The following PLCL1 variants were observed in gnomAD, a reference collection of about 807,000 sequenced individuals.
The protein encoded by PLCL1 is inactive phospholipase C-like protein 1.
A neutral mutation model predicts 84.4 loss-of-function variants in PLCL1; 41 were observed. That is an observed-to-expected ratio of 0.49 (90% CI 0.38 to 0.63). The LOEUF (loss-of-function observed/expected upper bound fraction) is 0.63. Ranked by LOEUF, PLCL1 falls within the 30% of genes least tolerant of loss-of-function variation. The probability of loss-of-function intolerance (pLI) is 0.00; values close to 1 mark genes in which losing one functional copy is unlikely to be tolerated. For missense variants in PLCL1, 1,206 were observed against 1,367.8 expected (o/e 0.88, Z 1.87); for synonymous variants, 490 against 488.3 (o/e 1.00, Z -0.05).
At chr2:197,853,269 T>C (rs1687272366) in intron 1 of PLCL1, among the ~76,000 whole-genome samples, 1 of 152,240 alleles carries the variant, frequency 6.6e-6, no homozygotes, top group Non-Finnish European at 1.5e-5. Flanking sequence ...ATTCGTCTAA[T>C]GATGGACCCT....
chr2:197,918,971 T>TCTCTCACA (rs373512508), intron 1 of PLCL1, among the ~76,000 whole-genome samples: 44 of 144,552 alleles, frequency 3.0e-4, no homozygotes, highest in Admixed American at 2.1e-3. Context: ...TCTCTCTCCC[T>TCTCTCACA]CACACACACA....
chr2:197,866,465 T>A (rs1440855218), intron 1 of PLCL1, among the ~76,000 whole-genome samples: 1 of 152,042 alleles, frequency 6.6e-6, no homozygotes, highest in East Asian at 1.9e-4. Context: ...ATGGGGCAGA[T>A]GCTACCAGAG....
intron 5 of PLCL1, among the ~76,000 whole-genome samples, chr2:198,143,742 A>G (rs1029499232): frequency 3.9e-5 from 6 of 152,336 alleles, no homozygotes; most frequent in Admixed American, 3.3e-4. Context: ...GAAGAGATGC[A>G]GGTTGTGATT....
chr2:198,139,202 A>G (rs1280887438), intron 5 of PLCL1, among the ~76,000 whole-genome samples: 4 of 151,986 alleles, frequency 2.6e-5, no homozygotes. Flanking sequence ...GTGTATGGAC[A>G]TTATTTACTT....
In PLCL1 at chr2:197,889,460, C is replaced by T. The variant is rs1242931408; in HGVS notation, c.240+84121C>T. 2.0e-5 allele frequency among the ~76,000 whole-genome samples: 3 copies of T among 152,248 alleles called. No homozygotes were observed. The East Asian group carries it at 5.8e-4, about 29-fold the overall frequency. ...CAAAAAAAAACAGGCTTTAAAAGCT[C>T]TTCCTATACTTCTGCTTACACTGAG... On this transcript the variant is annotated intron_variant, in intron 1 of 5. Coordinates refer to ENST00000428675, the MANE Select transcript of PLCL1 (RefSeq NM_006226.4).
rs147840883 is a variant in PLCL1, at chr2:197,959,997, A to G, written c.241-123761A>G. Among the ~76,000 whole-genome samples, 489 of 152,214 alleles carry G rather than the reference A, an allele frequency of 3.2e-3. 2 individuals carry two copies. The highest frequency in any genetic ancestry group is 0.017 in the Middle Eastern group (5 of 294). On this transcript the variant is annotated intron_variant, in intron 1 of 5. Transcript: ENST00000428675. ...CCTCTCAATTATAAATGACAAAGAG[A>G]GAACTAGGATTTCTGTAACACAGTG...
intron 1 of PLCL1, among the ~76,000 whole-genome samples, chr2:198,034,795 G>A (rs1247371252): frequency 1.3e-5 from 2 of 152,164 alleles, no homozygotes; most frequent in Non-Finnish European, 2.9e-5. Context: ...CACATGTTGT[G>A]TTGTGCTGTC....
chr2:198,104,510 T>C (rs1226615829), intron 5 of PLCL1, among the ~76,000 whole-genome samples: 1 of 152,034 alleles, frequency 6.6e-6, no homozygotes, highest in Non-Finnish European at 1.5e-5. Context: ...GACATGTCCA[T>C]GTGTCTTTAT....
chr2:198,067,853 G>C (rs1336000526), intron 1 of PLCL1, among the ~76,000 whole-genome samples: 2 of 152,056 alleles, frequency 1.3e-5, no homozygotes, highest in African/African-American at 4.8e-5. Context: ...TCCTTATTTT[G>C]ATTTTCATTT....
At chr2:197,949,418 G>T (rs1230842517) in intron 1 of PLCL1, among the ~76,000 whole-genome samples, 2 of 152,154 alleles carry the variant, frequency 1.3e-5, no homozygotes, top group African/African-American at 2.4e-5. Context: ...AGGGACAAGT[G>T]ATTCCACTTC....
intron 1 of PLCL1, among the ~76,000 whole-genome samples, chr2:198,036,257 A>G (rs1231613045): frequency 2.6e-5 from 4 of 152,146 alleles, no homozygotes; most frequent in Admixed American, 1.3e-4. Flanking sequence ...CCATTGTACC[A>G]TGTGTGTGAA....
At chr2:197,928,355 G>A (rs1688872124) in intron 1 of PLCL1, among the ~76,000 whole-genome samples, 1 of 152,106 alleles carries the variant, frequency 6.6e-6, no homozygotes, top group Non-Finnish European at 1.5e-5. Context: ...TACTAACTAT[G>A]AAGAGCTGTT....
At chr2:197,855,344 G>A (rs1687311610) in intron 1 of PLCL1, among the ~76,000 whole-genome samples, 1 of 151,956 alleles carries the variant, frequency 6.6e-6, no homozygotes, top group African/African-American at 2.4e-5. Context: ...CCCCACATGT[G>A]GATTCTGCCC....
intron 1 of PLCL1, among the ~76,000 whole-genome samples, chr2:197,872,867 C>A (rs950127587): frequency 5.3e-5 from 8 of 151,964 alleles, no homozygotes; most frequent in African/African-American, 1.9e-4. Flanking sequence ...TGCATAATAA[C>A]CCACATTGAT....
intron 1 of PLCL1, among the ~76,000 whole-genome samples, chr2:198,036,136 T>C (rs1290899170): frequency 6.6e-6 from 1 of 152,230 alleles, no homozygotes; most frequent in East Asian, 1.9e-4. Context: ...TGAATTCTCT[T>C]TTTTAATAAC....
At chr2:198,078,828 C>A (rs907035449) in intron 1 of PLCL1, among the ~76,000 whole-genome samples, 9 of 152,078 alleles carry the variant, frequency 5.9e-5, no homozygotes, top group Non-Finnish European at 1.2e-4. Flanking sequence ...CCTTTACTCA[C>A]TTTTAAATTT....
intron 1 of PLCL1, among the ~76,000 whole-genome samples, chr2:197,857,747 A>G (rs1687356320): frequency 6.6e-6 from 1 of 152,192 alleles, no homozygotes; most frequent in Admixed American, 6.6e-5. Flanking sequence ...GCAAGTTTAT[A>G]TATGCACTTG....
intron 1 of PLCL1, among the ~76,000 whole-genome samples, chr2:198,073,999 A>C (rs2105887716): frequency 6.6e-6 from 1 of 152,302 alleles, no homozygotes; most frequent in African/African-American, 2.4e-5. Context: ...ACTGTTTTTA[A>C]ATCTTCTACA....
At chr2:197,849,408 A>G (rs1188256717) in intron 1 of PLCL1, among the ~76,000 whole-genome samples, 4 of 152,128 alleles carry the variant, frequency 2.6e-5, no homozygotes, top group East Asian at 1.9e-4. Context: ...TTAGCAAAAG[A>G]AAAAAGGCTT....
Sources: gnomAD v4.1 joint callset for allele counts (sites outside exome capture counted in the v4.1 genomes callset) on GRCh38, gnomAD v4.1.1 for gene constraint, MANE v1.5 for transcripts, NCBI Gene and HGNC (gene_info 2026-07-23, HGNC 2026-07-21) for gene names.